The following LOC128092252 variants were observed in gnomAD, a reference collection of about 807,000 sequenced individuals.
At chr15:50,686,436 G>C in the LOC128092252 span, 6 of 1,599,512 alleles carry the variant, frequency 3.8e-6, no homozygotes, top group Non-Finnish European at 5.1e-6. Flanking sequence ...TCGCCGCATG[G>C]AACGCGGCTC....
chr15:50,686,419 G>C, the LOC128092252 span: 21 of 1,568,120 alleles, frequency 1.3e-5, no homozygotes, highest in African/African-American at 1.2e-4. Context: ...GGCAATTCGA[G>C]GGTCCTTCGC....
chr15:50,679,538 ATTTTTTTTT>A, the LOC128092252 span, among the ~76,000 whole-genome samples: 1 of 43,904 alleles, frequency 2.3e-5, no homozygotes, highest in African/African-American at 1.1e-4. Context: ...ATATATATAT[ATTTTTTTTT>A]TTTTTTGAGA....
the LOC128092252 span, chr15:50,657,887 A>G: frequency 8.5e-6 from 11 of 1,299,528 alleles, no homozygotes; most frequent in Non-Finnish European, 1.2e-5. Context: ...AGTATATAAA[A>G]TACATAAAAT....
At chr15:50,652,602 C>T in the LOC128092252 span, among the ~76,000 whole-genome samples, 1 of 150,964 alleles carries the variant, frequency 6.6e-6, no homozygotes, top group South Asian at 2.1e-4. Context: ...TGGTGAATTT[C>T]ATCAAACATT....
the LOC128092252 span, among the ~76,000 whole-genome samples, chr15:50,680,927 T>G: frequency 3.9e-5 from 6 of 152,106 alleles, no homozygotes. Flanking sequence ...GAGAAAACAG[T>G]ATTGACATCA....
At chr15:50,669,295 C>A in the LOC128092252 span, among the ~76,000 whole-genome samples, 1 of 151,944 alleles carries the variant, frequency 6.6e-6, no homozygotes, top group Non-Finnish European at 1.5e-5. Context: ...ATTAGCCAGG[C>A]GTGGTGGTGT....
the LOC128092252 span, among the ~76,000 whole-genome samples, chr15:50,671,951 T>C: frequency 6.6e-6 from 1 of 151,750 alleles, no homozygotes; most frequent in South Asian, 2.1e-4. Flanking sequence ...CTATGTACAG[T>C]ACATAATACT....
the LOC128092252 span, among the ~76,000 whole-genome samples, chr15:50,666,256 G>A: frequency 6.6e-6 from 1 of 151,750 alleles, no homozygotes; most frequent in Middle Eastern, 3.4e-3. Context: ...GGGCAACATG[G>A]CAAAACCCCA....
the LOC128092252 span, among the ~76,000 whole-genome samples, chr15:50,673,320 A>G: frequency 0.02 from 3,085 of 152,178 alleles, 119 homozygotes; most frequent in African/African-American, 0.071. Context: ...GTTTAGTTAC[A>G]TAAGTTAGTT....
the LOC128092252 span, chr15:50,686,561 G>A: frequency 6.2e-7 from 1 of 1,609,196 alleles, no homozygotes; most frequent in South Asian, 1.1e-5. Context: ...CTCCGGAAGG[G>A]CAGCAACTCC....
At chr15:50,678,497 T>G in the LOC128092252 span, among the ~76,000 whole-genome samples, 1 of 101,918 alleles carries the variant, frequency 9.8e-6, no homozygotes, top group Admixed American at 1.4e-4. Context: ...ACTCTCTAGT[T>G]CCATTCTTTA....
chr15:50,681,278 C>CACAA, the LOC128092252 span, among the ~76,000 whole-genome samples: 1 of 151,642 alleles, frequency 6.6e-6, no homozygotes, highest in Non-Finnish European at 1.5e-5. Context: ...CACACACACA[C>CACAA]ACACACACAC....
At chr15:50,685,879 T>C in the LOC128092252 span, among the ~76,000 whole-genome samples, 2 of 152,272 alleles carry the variant, frequency 1.3e-5, no homozygotes, top group South Asian at 4.1e-4. Context: ...TGACAGTACA[T>C]TGTCTTGGTC....
the LOC128092252 span, among the ~76,000 whole-genome samples, chr15:50,672,974 T>C: frequency 2.7e-5 from 4 of 146,944 alleles, no homozygotes; most frequent in Admixed American, 2.8e-4. Flanking sequence ...AGCTGTACAA[T>C]GTGTTTTATA....
the LOC128092252 span, among the ~76,000 whole-genome samples, chr15:50,664,213 G>A: frequency 6.0e-5 from 9 of 150,220 alleles, no homozygotes; most frequent in South Asian, 2.1e-4. Flanking sequence ...CAGGAGAATC[G>A]CTTGAACCAG....
At chr15:50,652,955 A>G in the LOC128092252 span, among the ~76,000 whole-genome samples, 1 of 152,164 alleles carries the variant, frequency 6.6e-6, no homozygotes, top group Non-Finnish European at 1.5e-5. Flanking sequence ...TGAGCTCAGG[A>G]GTCAAGACCA....
the LOC128092252 span, among the ~76,000 whole-genome samples, chr15:50,683,235 A>T: frequency 0.077 from 2,983 of 38,816 alleles, 118 homozygotes; most frequent in African/African-American, 0.17. Context: ...CAGTCACTTA[A>T]AAAAAAAAAA....
chr15:50,662,643 C>A, the LOC128092252 span, among the ~76,000 whole-genome samples: 1 of 152,082 alleles, frequency 6.6e-6, no homozygotes, highest in Non-Finnish European at 1.5e-5. Flanking sequence ...TTCCCAATAT[C>A]AGTGAATCCA....
the LOC128092252 span, chr15:50,663,048 T>C: frequency 1.9e-6 from 3 of 1,609,162 alleles, no homozygotes; most frequent in Admixed American, 1.7e-5. Context: ...TTTCTGGGAC[T>C]AAAACAAAAT....
Sources: allele counts gnomAD v4.1 joint callset (sites outside exome capture counted in the v4.1 genomes callset), GRCh38; gene constraint gnomAD v4.1.1; transcripts MANE v1.5.